SLC24A2: variants seen among roughly 807,000 people sequenced by gnomAD.
SLC24A2 encodes the protein solute carrier family 24 member 2, also known as sodium/potassium/calcium exchanger 2.
In SLC24A2, 36 loss-of-function variants were observed where a neutral mutation model predicts 62.0. That is an observed-to-expected ratio of 0.58 (90% CI 0.44 to 0.77). The LOEUF is 0.77. Among genes scored for constraint, SLC24A2 ranks in the 30% least tolerant of loss-of-function variants. The probability of loss-of-function intolerance (pLI) is 0.00; values close to 1 mark genes in which losing one functional copy is unlikely to be tolerated. For synonymous variants in SLC24A2, 358 were observed against 294.0 expected (o/e 1.22, Z -2.23); for missense variants, 846 against 817.9 (o/e 1.03, Z -0.42).
chr9:19,563,804 TCCTTCCTTCCTTCCTTCCTTCCTCCCTC>T (rs1835524098), intron 7 of SLC24A2, among the ~76,000 whole-genome samples: 1 of 76,092 alleles, frequency 1.3e-5, no homozygotes, highest in African/African-American at 6.8e-5. Flanking sequence ...GACCCTTCCT[TCCTTCCTTCCTTCCTTCCTTCCTCCCTC>T]CCTCCCTCCC....
At chr9:19,827,098 T>C in the SLC24A2 span, among the ~76,000 whole-genome samples, 4 of 152,244 alleles carry the variant, frequency 2.6e-5, no homozygotes, top group African/African-American at 9.6e-5. Context: ...AATACAAACT[T>C]TTTCATGTTT....
the SLC24A2 span, among the ~76,000 whole-genome samples, chr9:20,026,963 A>G: frequency 6.6e-6 from 1 of 152,316 alleles, no homozygotes; most frequent in South Asian, 2.1e-4. Flanking sequence ...AGGAATTCAA[A>G]CAACTATATA....
chr9:19,603,019 T>C (rs1587019714), intron 4 of SLC24A2, among the ~76,000 whole-genome samples: 1 of 152,100 alleles, frequency 6.6e-6, no homozygotes, highest in Non-Finnish European at 1.5e-5. Flanking sequence ...GAAAAAATAA[T>C]ATTAAAGATA....
chr9:19,996,448 A>T, the SLC24A2 span, among the ~76,000 whole-genome samples: 1 of 152,172 alleles, frequency 6.6e-6, no homozygotes, highest in African/African-American at 2.4e-5. Context: ...GCGTTAAAGA[A>T]GATCCATCAA....
the SLC24A2 span, among the ~76,000 whole-genome samples, chr9:20,042,571 T>C: frequency 1.3e-5 from 2 of 152,244 alleles, no homozygotes; most frequent in Non-Finnish European, 2.9e-5. Context: ...TTCTGGGTCC[T>C]AGGCCTTATT....
intron 2 of SLC24A2, among the ~76,000 whole-genome samples, chr9:19,625,840 C>A (rs1326570063): frequency 6.6e-6 from 1 of 151,958 alleles, no homozygotes; most frequent in African/African-American, 2.4e-5. Context: ...GTGCCCGCCA[C>A]CACGCCCAGC....
the SLC24A2 span, among the ~76,000 whole-genome samples, chr9:20,209,105 A>T: frequency 6.6e-6 from 1 of 152,198 alleles, no homozygotes; most frequent in Admixed American, 6.5e-5. Flanking sequence ...GTGATGATGT[A>T]ACTCAAGGCT....
chr9:19,573,537 G>C lies in SLC24A2; in HGVS notation c.1229-68C>G, dbSNP rs1196522288. The stretch of plus-strand genomic sequence containing the variant: ...ACACACACACACACACACAGAGAGA[G>C]AGAGAGAGAGAGAGAGAAAGCAAAT... On this transcript the variant is annotated intron_variant, in intron 6 of 10. Coordinates refer to ENST00000341998, the MANE Select transcript of SLC24A2 (RefSeq NM_020344.4). 707 of 831,576 alleles carry C rather than the reference G, an allele frequency of 8.5e-4. 7 individuals carry two copies. The African/African-American group carries it at 8.7e-3, about 10-fold the overall frequency. The allele number at this position is 831,576 out of a possible 1,614,324, so 51.5% of individuals were successfully genotyped here.
the SLC24A2 span, among the ~76,000 whole-genome samples, chr9:19,867,943 T>C: frequency 0.013 from 1,908 of 152,044 alleles, 53 homozygotes; most frequent in African/African-American, 0.044. Flanking sequence ...AAAAAAACTT[T>C]TGGTTTTGTT....
chr9:19,722,729 C>T (rs888321507), intron 2 of SLC24A2, among the ~76,000 whole-genome samples: 28 of 151,332 alleles, frequency 1.9e-4, no homozygotes, highest in African/African-American at 6.1e-4. Context: ...GCCTATGCAA[C>T]GGAAATTCCA....
the SLC24A2 span, among the ~76,000 whole-genome samples, chr9:20,079,444 C>G: frequency 0.031 from 4,644 of 152,204 alleles, 226 homozygotes; most frequent in African/African-American, 0.1. Flanking sequence ...CCTTGCTTTT[C>G]CTTTTGTTTA....
the SLC24A2 span, among the ~76,000 whole-genome samples, chr9:19,876,248 T>C: frequency 6.6e-6 from 1 of 152,160 alleles, no homozygotes; most frequent in South Asian, 2.1e-4. Flanking sequence ...TAAGACATCA[T>C]TACATGAATT....
the SLC24A2 span, among the ~76,000 whole-genome samples, chr9:20,092,446 C>CG: frequency 6.6e-6 from 1 of 151,916 alleles, no homozygotes; most frequent in South Asian, 2.1e-4. Flanking sequence ...TATGCATAGA[C>CG]TTTTTTATTT....
the SLC24A2 span, among the ~76,000 whole-genome samples, chr9:19,932,896 C>T: frequency 1.3e-5 from 2 of 152,214 alleles, no homozygotes; most frequent in East Asian, 3.9e-4. Context: ...CAGATTCCCC[C>T]GTCATCACTG....
chr9:20,259,692 G>T, the SLC24A2 span, among the ~76,000 whole-genome samples: 1 of 152,222 alleles, frequency 6.6e-6, no homozygotes, highest in Admixed American at 6.5e-5. Context: ...TCAAGCCTCT[G>T]GAGAGAGACT....
At chr9:20,109,678 T>C in the SLC24A2 span, among the ~76,000 whole-genome samples, 1 of 152,182 alleles carries the variant, frequency 6.6e-6, no homozygotes, top group Non-Finnish European at 1.5e-5. Context: ...CTCTGGAGTT[T>C]GCCCATACAC....
the SLC24A2 span, among the ~76,000 whole-genome samples, chr9:19,945,902 C>T: frequency 6.6e-6 from 1 of 152,196 alleles, no homozygotes. Context: ...AGTTCCTATT[C>T]CACATCAGCT....
intron 2 of SLC24A2, among the ~76,000 whole-genome samples, chr9:19,677,281 G>C (rs1034770193): frequency 1.3e-5 from 2 of 152,160 alleles, no homozygotes; most frequent in Non-Finnish European, 2.9e-5. Flanking sequence ...CCTTTGCAGG[G>C]ACATGGATGG....
the SLC24A2 span, among the ~76,000 whole-genome samples, chr9:20,194,385 A>G: frequency 6.6e-6 from 1 of 152,096 alleles, no homozygotes; most frequent in South Asian, 2.1e-4. Context: ...GGTACTCTTC[A>G]TCCCTTCTCC....
Sources: allele counts gnomAD v4.1 joint callset (sites outside exome capture counted in the v4.1 genomes callset), GRCh38; gene constraint gnomAD v4.1.1; transcripts MANE v1.5; gene names NCBI Gene and HGNC (gene_info 2026-07-23, HGNC 2026-07-21).